NPFFR1: variants seen among roughly 807,000 people sequenced by gnomAD.
NPFFR1 encodes the protein neuropeptide FF receptor 1, also known as G-protein coupled receptor 147.
A neutral mutation model predicts 12.7 loss-of-function variants in NPFFR1; 17 were observed. The ratio of observed to expected loss-of-function variants is 1.34; its 90% CI spans 0.92 to 2.01. The LOEUF (loss-of-function observed/expected upper bound fraction) is 2.01, where lower values mean the gene tolerates loss of function less well. NPFFR1 is among the 30% of genes most tolerant of loss of function. The pLI is 0.00. For synonymous variants in NPFFR1, 296 were observed against 264.5 expected, an observed-to-expected ratio of 1.12 and a Z score of -1.16; for missense variants, 604 against 606.5, an observed-to-expected ratio of 1.00 and a Z score of 0.04.
intron 3 of NPFFR1, among the ~76,000 whole-genome samples, chr10:70,258,357 A>G (rs1482997833): frequency 6.6e-6 from 1 of 151,718 alleles, no homozygotes; most frequent in Non-Finnish European, 1.5e-5. Context: ...AGTTGAAAAC[A>G]GCTGCTGTAG....
chr10:70,266,536 G>A (rs921299358), intron 1 of NPFFR1, 145 bp from the exon 2 acceptor site: 4 of 652,916 alleles, frequency 6.1e-6, no homozygotes, highest in Non-Finnish European at 1.1e-5. Flanking sequence ...GCAACTTGAT[G>A]CACTGATCCA....
intron 3 of NPFFR1, among the ~76,000 whole-genome samples, 193 bp downstream of exon 3, chr10:70,260,447 G>A (rs1840619721): frequency 6.6e-6 from 1 of 152,180 alleles, no homozygotes; most frequent in South Asian, 2.1e-4. Context: ...GGGTGGTAGT[G>A]TCCTCATCAG....
chr10:70,265,657 G>C (rs773746371), intron 2 of NPFFR1, among the ~76,000 whole-genome samples: 3 of 152,254 alleles, frequency 2.0e-5, no homozygotes, highest in Non-Finnish European at 4.4e-5. Context: ...AGCTCCGTGA[G>C]AGAGTGGGAC....
rs76534331 is a variant in NPFFR1 at position 70,278,198 on chromosome 10, C to T, written c.7+5472G>A. Among the ~76,000 whole-genome samples, 63 of 152,150 alleles carry T rather than the reference C, an allele frequency of 4.1e-4. 1 individual carries two copies. In the East Asian group the frequency reaches 0.012, roughly 29 times the overall value. ...CCAGGAGCCAGAACAAGAGTGAGCC[C>T]CTGTCCCCAGAATCATCCCCCTCTC... On this transcript the variant is annotated intron_variant, in intron 1 of 3. Transcript: ENST00000277942.
Position 70,272,257 on chromosome 10 carries a change from A to AGAAAGAAAGAAG in NPFFR1, c.8-5867_8-5866insCTTCTTTCTTTC. On this transcript the variant is annotated intron_variant, in intron 1 of 3. Coordinates refer to ENST00000277942, the MANE Select transcript of NPFFR1 (RefSeq NM_022146.5). ...GAAAGAAAGAAAGAAGAAAGAAGAA[A>AGAAAGAAAGAAG]GAAAATAATAGAAAGAAAACAATCC... 2.6e-5 allele frequency among the ~76,000 whole-genome samples: 4 copies of AGAAAGAAAGAAG among 152,070 alleles called. No homozygotes were observed. The South Asian group carries it at 6.2e-4, about 24-fold the overall frequency.
At chr10:70,272,461 G>A (rs975555138) in intron 1 of NPFFR1, among the ~76,000 whole-genome samples, 87 of 152,328 alleles carry the variant, frequency 5.7e-4, no homozygotes, top group Non-Finnish European at 9.8e-4. Flanking sequence ...CGCTGGACCC[G>A]CTGAAGAACA....
Position 70,271,218 on chromosome 10 carries a change from A to G in NPFFR1, c.8-4827T>C, listed in dbSNP as rs541652422. ...TGCAAACTCAGCATTCTCATATTTA[A>G]AATAGAAACAGAGGCCAGGTGCCAT... is the stretch of plus-strand genomic sequence containing the variant. On this transcript the variant is annotated intron_variant, in intron 1 of 3. Coordinates refer to ENST00000277942, the MANE Select transcript of NPFFR1 (RefSeq NM_022146.5). Among the ~76,000 whole-genome samples the G allele has an allele frequency of 3.9e-3, 588 of 152,216 alleles. 8 individuals are homozygous for G. The highest frequency in any genetic ancestry group is 6.0e-3 in the Non-Finnish European group (409 of 67,994).
Position 70,249,064 on chromosome 10 carries a change from C to T in NPFFR1, c.*5893G>A, listed in dbSNP as rs1840483537. 6.6e-6 allele frequency: 1 copy of T among 152,154 alleles called. No individual in the cohort carries two copies. 9.4% of individuals were successfully genotyped at this position (152,154 alleles called of 1,614,324 possible). ...AAATAGCCCTCCTACTTCTATCACA[C>T]TATATCCTCTTACCTTGCTTTAGAC... On this transcript the variant is annotated 3_prime_UTR_variant, in exon 4 of 4. Transcript: ENST00000277942.
At position 70,255,901 on chromosome 10, in the gene NPFFR1, C is replaced by T. The variant is rs562228956; in HGVS notation, c.423-74G>A. On this transcript the variant is annotated intron_variant, in intron 3 of 3. Coordinates refer to ENST00000277942, the MANE Select transcript of NPFFR1 (RefSeq NM_022146.5). This position sits in a 1 kb window ranked among gnomAD's most constrained non-coding sequence, Gnocchi z 4.2. ...CTGCGAGGGGACGGTGGGTGGGATG[C>T]GGGCACCTGACCTTCATCATCGCAT... The T allele has an allele frequency of 3.2e-5, 47 of 1,466,968 alleles. 2 individuals carry two copies. In the African/African-American group the frequency reaches 3.2e-4, roughly 10 times the overall value. 90.9% of individuals were successfully genotyped at this position (1,466,968 alleles called of 1,614,324 possible).
At chr10:70,277,566 C>T (rs1007691222) in intron 1 of NPFFR1, among the ~76,000 whole-genome samples, 1 of 152,230 alleles carries the variant, frequency 6.6e-6, no homozygotes, top group African/African-American at 2.4e-5. Context: ...CTGGCATGCT[C>T]CTGTCCCCTC....
chr10:70,272,250 A>AGAAAGAAAGAAAGAAG (rs1416443464), intron 1 of NPFFR1, among the ~76,000 whole-genome samples: 1 of 127,048 alleles, frequency 7.9e-6, no homozygotes, highest in Non-Finnish European at 1.8e-5. Context: ...GAAAGAAGAA[A>AGAAAGAAAGAAAGAAG]GAAGAAAGAA....
rs577318524 is a variant in NPFFR1 at position 70,252,915 on chromosome 10, T to A, written c.*2042A>T. On this transcript the variant is annotated 3_prime_UTR_variant, in exon 4 of 4. Coordinates refer to ENST00000277942, the MANE Select transcript of NPFFR1 (RefSeq NM_022146.5). ...ACACCCCAGAGGAGACACCAGGTGG[T>A]GTCTTCAGACAATTCCCACCCAGCC... 9.2e-5 allele frequency: 14 copies of A among 152,246 alleles called. 1 individual carries two copies. The South Asian group carries it at 2.9e-3, about 32-fold the overall frequency. The allele number at this position is 152,246 out of a possible 1,614,324, so 9.4% of individuals were successfully genotyped here. A position where few individuals can be genotyped will look rare whatever the true frequency, so the allele number is the denominator to read the frequency against.
chr10:70,277,742 G>A (rs1183117995), intron 1 of NPFFR1, among the ~76,000 whole-genome samples: 5 of 152,202 alleles, frequency 3.3e-5, no homozygotes, highest in Non-Finnish European at 5.9e-5. Flanking sequence ...AGAAAGGCTG[G>A]GGTTGGGCTG....
In NPFFR1 at chr10:70,253,836, T is replaced by C. The variant is rs1840536102; in HGVS notation, c.*1121A>G. The C allele has an allele frequency of 6.6e-6, 1 of 152,364 alleles. No individual in the cohort carries two copies. The highest frequency in any genetic ancestry group is 2.1e-4 in the South Asian group (1 of 4,830). The allele number at this position is 152,364 out of a possible 1,614,324, so 9.4% of individuals were successfully genotyped here. A position where few individuals can be genotyped will look rare whatever the true frequency, so the allele number is the denominator to read the frequency against. ...TCTCCTGGAAAGAAGCCACATTTCT[T>C]CAAGTTGATGCAGGGGTGTTGGGGG... On this transcript the variant is annotated 3_prime_UTR_variant, in exon 4 of 4. Transcript: ENST00000277942.
Position 70,250,151 on chromosome 10 carries a change from T to C in NPFFR1, c.*4806A>G, listed in dbSNP as rs1481952227. On this transcript the variant is annotated 3_prime_UTR_variant, in exon 4 of 4. Transcript: ENST00000277942. ...GTCTTGAACTCCTGACCTCAGGTGATCTACGCACCTCAGCCTCCCAAAGTG... is the reference window on the plus strand; with the variant it reads ...GTCTTGAACTCCTGACCTCAGGTGACCTACGCACCTCAGCCTCCCAAAGTG... 6.6e-6 allele frequency: 1 copy of C among 152,172 alleles called. No individual in the cohort carries two copies. Among genetic ancestry groups the C allele is most frequent in the South Asian group, 2.1e-4 (1 of 4,826 alleles). 9.4% of individuals were successfully genotyped at this position (152,172 alleles called of 1,614,324 possible). A position where few individuals can be genotyped will look rare whatever the true frequency, so the allele number is the denominator to read the frequency against.
chr10:70,272,237 A>AAAG (rs1840756939), intron 1 of NPFFR1, among the ~76,000 whole-genome samples: 7 of 140,958 alleles, frequency 5.0e-5, no homozygotes, highest in African/African-American at 1.8e-4. Flanking sequence ...AGAAAGAAAG[A>AAAG]AAGAAAGAAG....
chr10:70,272,244 G>GAAAGA (rs60571634), intron 1 of NPFFR1, among the ~76,000 whole-genome samples: 3,586 of 64,022 alleles, frequency 0.056, 150 homozygotes, highest in East Asian at 0.072. Flanking sequence ...AAGAAAGAAA[G>GAAAGA]AAGAAAGAAG....
At chr10:70,281,588 G>A (rs1840862976) in intron 1 of NPFFR1, among the ~76,000 whole-genome samples, 1 of 152,168 alleles carries the variant, frequency 6.6e-6, no homozygotes, top group Non-Finnish European at 1.5e-5. Context: ...ACTTGTATAT[G>A]TATATTTCCA....
chr10:70,249,913 C>CTT lies in NPFFR1; in HGVS notation c.*5042_*5043dup, dbSNP rs34524848. On this transcript the variant is annotated 3_prime_UTR_variant, in exon 4 of 4. Coordinates refer to ENST00000277942, the MANE Select transcript of NPFFR1 (RefSeq NM_022146.5). The stretch of plus-strand genomic sequence containing the variant: ...ATTTTCTTTTCTTCTTTCTTTCTTT[C>CTT]TTTTTTTTTTTTTTTTTGAGACAGT... 1.1e-3 allele frequency: 140 copies of CTT among 128,484 alleles called. 3 individuals carry two copies. Among genetic ancestry groups the CTT allele is most frequent in the African/African-American group, 3.5e-3 (119 of 33,662 alleles). 8.0% of individuals were successfully genotyped at this position (128,484 alleles called of 1,614,324 possible).
Sources: gnomAD v4.1 joint callset for allele counts (sites outside exome capture counted in the v4.1 genomes callset) on GRCh38, gnomAD v4.1.1 for gene constraint, Gnocchi (gnomAD v3.1) non-coding constraint, MANE v1.5 for transcripts, NCBI Gene and HGNC (gene_info 2026-07-23, HGNC 2026-07-21) for gene names.